The following SCAPER variants were observed in gnomAD, a reference collection of about 807,000 sequenced individuals.
SCAPER encodes the protein S phase cyclin A-associated protein in the endoplasmic reticulum.
Under a neutral mutation model 182.2 loss-of-function variants are expected in SCAPER, and 98 were observed. That is an observed-to-expected ratio of 0.54 (90% CI 0.46 to 0.64). The LOEUF (loss-of-function observed/expected upper bound fraction) is 0.64. Ranked by LOEUF, SCAPER falls within the 30% of genes least tolerant of loss-of-function variation. The pLI, the probability that SCAPER is intolerant of heterozygous loss-of-function variation, is 0.00. For synonymous variants in SCAPER, 605 were observed against 564.6 expected (o/e 1.07, Z -1.01); for missense variants, 1,432 against 1,690.0 (o/e 0.85, Z 2.68).
chr15:76,786,204 G>A (rs2064589111), intron 8 of SCAPER, among the ~76,000 whole-genome samples: 1 of 151,312 alleles, frequency 6.6e-6, no homozygotes, highest in Non-Finnish European at 1.5e-5. Flanking sequence ...GTGCGTGCCT[G>A]TTATCCCAGC....
At position 76,354,847 on chromosome 15, in the gene SCAPER, A is replaced by T. The variant is rs2040847352; in HGVS notation, c.3856-707T>A. Among the ~76,000 whole-genome samples, 1 of 152,224 alleles carries T rather than the reference A, an allele frequency of 6.6e-6. No homozygotes were observed. On this transcript the variant is annotated intron_variant, in intron 29 of 31. Coordinates refer to ENST00000563290, the MANE Select transcript of SCAPER (RefSeq NM_020843.4). The surrounding 1 kb of genome is among the most constrained non-coding windows in gnomAD (Gnocchi z 4.4). ...CAATGCAACGAATGGGCTTGCAGGG[A>T]AGCCCTCTTAATTTACTCCCTAGGC...
At chr15:76,425,317 T>G (rs1215092078) in intron 26 of SCAPER, among the ~76,000 whole-genome samples, 1 of 152,178 alleles carries the variant, frequency 6.6e-6, no homozygotes, top group Non-Finnish European at 1.5e-5. Context: ...GTTCATTTCT[T>G]TTTACTCTTT....
At chr15:76,839,860 TG>T (rs534955105) in intron 5 of SCAPER, among the ~76,000 whole-genome samples, 1 of 152,296 alleles carries the variant, frequency 6.6e-6, no homozygotes, top group South Asian at 2.1e-4. Flanking sequence ...TCATTGCAAT[TG>T]GTCAATCTCA....
intron 14 of SCAPER, among the ~76,000 whole-genome samples, chr15:76,762,492 T>G (rs2062853509): frequency 1.3e-5 from 2 of 152,134 alleles, no homozygotes; most frequent in African/African-American, 4.8e-5. Flanking sequence ...TAATTTGAAT[T>G]TAATTTAAAT....
rs747096625 is a variant in SCAPER at position 76,497,989 on chromosome 15, C to CAAAAAAAAAAAAA, written c.2954+6857_2954+6869dup. On this transcript the variant is annotated intron_variant, in intron 24 of 31. Coordinates refer to ENST00000563290, the MANE Select transcript of SCAPER (RefSeq NM_020843.4). ...CTGGTGATGGAGCGAGACTCCGTCT[C>CAAAAAAAAAAAAA]AAAAAAAAAAAAAAAAAAAAAAAAA... 4.5e-4 allele frequency among the ~76,000 whole-genome samples: 26 copies of CAAAAAAAAAAAAA among 58,328 alleles called. 2 individuals are homozygous for CAAAAAAAAAAAAA. The highest frequency in any genetic ancestry group is 1.4e-3 in the African/African-American group (22 of 15,788). 38.3% of individuals were successfully genotyped at this position (58,328 alleles called of 152,430 possible).
chr15:76,772,036 A>C, intron 9 of SCAPER, 82 bp from the exon 10 acceptor site: 1 of 977,290 alleles, frequency 1.0e-6, no homozygotes, highest in Non-Finnish European at 1.4e-6. Flanking sequence ...ATTTTGCTTA[A>C]CCTATTAACT....
At chr15:76,481,247 G>A (rs1056500890) in intron 24 of SCAPER, among the ~76,000 whole-genome samples, 1 of 152,148 alleles carries the variant, frequency 6.6e-6, no homozygotes. Context: ...TGGCTAAATT[G>A]CTTTATAAAT....
intron 26 of SCAPER, among the ~76,000 whole-genome samples, chr15:76,420,225 A>G (rs2045930602): frequency 7.1e-6 from 1 of 140,764 alleles, no homozygotes; most frequent in Non-Finnish European, 1.5e-5. Flanking sequence ...CCCTCTATAG[A>G]TGTTTTTTCC....
chr15:76,466,818 T>G (rs2049700896), intron 25 of SCAPER, among the ~76,000 whole-genome samples: 2 of 152,090 alleles, frequency 1.3e-5, no homozygotes, highest in African/African-American at 4.8e-5. Context: ...CAACTAGAGA[T>G]GCTTGCTGCT....
intron 4 of SCAPER, among the ~76,000 whole-genome samples, chr15:76,857,590 A>G (rs12910734): frequency 0.38 from 57,955 of 152,034 alleles, 13,058 homozygotes; most frequent in Middle Eastern, 0.52. Flanking sequence ...TAATGCTTAC[A>G]TCGAAGGGTA....
At chr15:76,512,505 G>C (rs1416023607) in intron 23 of SCAPER, among the ~76,000 whole-genome samples, 1 of 151,874 alleles carries the variant, frequency 6.6e-6, no homozygotes, top group East Asian at 1.9e-4. Context: ...AACACCGGCT[G>C]ATCAGTCTGT....
chr15:76,845,359 T>C lies in SCAPER; in HGVS notation c.196-3428A>G, dbSNP rs569491561. On this transcript the variant is annotated intron_variant, in intron 4 of 31. Transcript: ENST00000563290. ...CACTGTTATTCAAAACAGTACGTAC[T>C]GGAAGTCCTACTTAGAGCAATCAGA... is the stretch of plus-strand genomic sequence containing the variant. 1.4e-3 allele frequency among the ~76,000 whole-genome samples: 210 copies of C among 152,230 alleles called. 3 individuals carry two copies. Among genetic ancestry groups the C allele is most frequent in the Middle Eastern group, 6.8e-3 (2 of 294 alleles).
intron 25 of SCAPER, among the ~76,000 whole-genome samples, chr15:76,467,007 T>C (rs1451518612): frequency 6.6e-6 from 1 of 152,058 alleles, no homozygotes; most frequent in Admixed American, 6.6e-5. Flanking sequence ...TTGCTGTTCT[T>C]GTGATAGTGA....
chr15:76,476,595 ATTTTTTTTT>A (rs5813839), intron 24 of SCAPER, among the ~76,000 whole-genome samples: 22 of 73,534 alleles, frequency 3.0e-4, no homozygotes, highest in East Asian at 2.0e-3. Context: ...CACCCAGCTA[ATTTTTTTTT>A]TTTTTTTTTT....
Position 76,675,117 on chromosome 15 carries a change from A to C in SCAPER, c.2509-9328T>G, listed in dbSNP as rs377037540. Among the ~76,000 whole-genome samples the C allele has an allele frequency of 2.0e-5, 3 of 152,332 alleles. No homozygotes were observed. In the East Asian group the frequency reaches 5.8e-4, roughly 29 times the overall value. ...GCAAGGTTGTGTGATGAGTAAGTGG[A>C]GGTTCATCATACTATTCTGTCAACT... On this transcript the variant is annotated intron_variant, in intron 20 of 31. Coordinates refer to ENST00000563290, the MANE Select transcript of SCAPER (RefSeq NM_020843.4).
intron 24 of SCAPER, among the ~76,000 whole-genome samples, chr15:76,496,610 C>G (rs1249934333): frequency 6.6e-6 from 1 of 152,050 alleles, no homozygotes; most frequent in Non-Finnish European, 1.5e-5. Context: ...ATGTCATTTT[C>G]TATATAGATT....
intron 17 of SCAPER, among the ~76,000 whole-genome samples, chr15:76,709,267 G>A (rs763757098): frequency 2.6e-5 from 4 of 152,042 alleles, no homozygotes; most frequent in Non-Finnish European, 5.9e-5. Context: ...AAGTAGCTGG[G>A]ACTACAGGCA....
intron 23 of SCAPER, among the ~76,000 whole-genome samples, chr15:76,559,388 C>G (rs2046436320): frequency 6.6e-6 from 1 of 151,778 alleles, no homozygotes; most frequent in Non-Finnish European, 1.5e-5. Flanking sequence ...GGCTCTTTCC[C>G]CTTCGCTCAG....
chr15:76,812,068 C>G (rs2066667189), intron 5 of SCAPER, among the ~76,000 whole-genome samples: 1 of 152,048 alleles, frequency 6.6e-6, no homozygotes, highest in African/African-American at 2.4e-5. Context: ...AATCCTAACA[C>G]TTTGGGAGGC....
Sources: allele counts gnomAD v4.1 joint callset (sites outside exome capture counted in the v4.1 genomes callset), GRCh38; gene constraint gnomAD v4.1.1; non-coding constraint Gnocchi (gnomAD v3.1); transcripts MANE v1.5; gene names NCBI Gene and HGNC (gene_info 2026-07-23, HGNC 2026-07-21).